Variants in PITPNM3 observed in about 807,000 individuals in gnomAD.
The protein encoded by PITPNM3 is PITPNM family member 3.
In PITPNM3, 26 loss-of-function variants were observed where a neutral mutation model predicts 102.0. The observed-to-expected ratio is 0.25, with a 90% CI of 0.19 to 0.35. The LOEUF is 0.35. Ranked by LOEUF, PITPNM3 falls within the 10% of genes least tolerant of loss-of-function variation. The probability of loss-of-function intolerance (pLI) is 1.00; values close to 1 mark genes in which losing one functional copy is unlikely to be tolerated. For synonymous variants in PITPNM3, 578 were observed against 558.6 expected, an observed-to-expected ratio of 1.03 and a Z score of -0.49; for missense variants, 1,083 against 1,346.1, an observed-to-expected ratio of 0.80 and a Z score of 3.06.
rs1298715206 is a variant in PITPNM3 at position 6,464,276 on chromosome 17, C to G, written c.2050G>C (p.Val684Leu). 6.2e-7 allele frequency: 1 copy of G among 1,613,992 alleles called. No individual in the cohort carries two copies. Among genetic ancestry groups the G allele is most frequent in the African/African-American group, 1.3e-5 (1 of 74,902 alleles). Residue 684 changes from valine (V) to leucine (L), a missense_variant, in exon 16 of 20, where the codon GTA becomes CTA. Val to Leu is a conservative substitution (Grantham distance 32, BLOSUM62 1). Around this residue, in one of 5 missense-constraint regions of PITPNM3, gnomAD observed 410 missense variants for 638.4 expected, o/e 0.64. Coordinates refer to ENST00000262483, the MANE Select transcript of PITPNM3 (RefSeq NM_031220.4). The part of the protein sequence containing the change: ...VMAEPSSGRW[V>L]HLDTEITNSS... ...TTGGTGATCTCTGTGTCCAGGTGTA[C>G]CCAGCGGCCTGAGGATGGCTCTGCC...
At chr17:6,492,374 A>G (rs372396701) in intron 4 of PITPNM3, among the ~76,000 whole-genome samples, 30 of 152,128 alleles carry the variant, frequency 2.0e-4, no homozygotes, top group African/African-American at 7.2e-4. Flanking sequence ...ATGCAAGAAC[A>G]TTTTAAAACC....
chr17:6,487,036 G>T lies in PITPNM3; in HGVS notation c.275-2744C>A, dbSNP rs142925165. 1.9e-4 allele frequency among the ~76,000 whole-genome samples: 29 copies of T among 152,320 alleles called. No homozygotes were observed. In the East Asian group the frequency reaches 5.4e-3, roughly 28 times the overall value. ...GTACCAGGAGGGAGAGGGTCTGAGT[G>T]TGGCTTCCCTGAGACAAAGCGCTCA... On this transcript the variant is annotated intron_variant, in intron 4 of 19. Coordinates refer to ENST00000262483, the MANE Select transcript of PITPNM3 (RefSeq NM_031220.4).
At chr17:6,545,087 C>A (rs748499753) in intron 1 of PITPNM3, among the ~76,000 whole-genome samples, 3 of 152,180 alleles carry the variant, frequency 2.0e-5, no homozygotes, top group Non-Finnish European at 4.4e-5. Context: ...CTGCTTCCAG[C>A]CCCAGTTCTG....
rs536434931 is a variant in PITPNM3, at chr17:6,474,551, G to A, written c.1139C>T (p.Pro380Leu). The change falls in exon 10 of 20, where the codon CCG becomes CTG. Residue 380 changes from proline to leucine, a missense_variant. Physicochemically the swap from Pro to Leu is moderately conservative, Grantham distance 98. Coordinates refer to ENST00000262483, the MANE Select transcript of PITPNM3 (RefSeq NM_031220.4). ...DESETPAAGG[P>L]QLPEVSLGRF... is the part of the protein sequence containing the mutation. ...GCCCAGGCTGACCTCAGGGAGCTGC[G>A]GCCCCCCAGCCGCCGGGGTCTCAGA... The A allele has an allele frequency of 1.6e-5, 26 of 1,603,836 alleles. No individual in the cohort carries two copies. The South Asian group carries it at 2.0e-4, about 12-fold the overall frequency.
At chr17:6,548,371 G>C (rs1017842834) in intron 1 of PITPNM3, among the ~76,000 whole-genome samples, 3 of 152,148 alleles carry the variant, frequency 2.0e-5, no homozygotes, top group Non-Finnish European at 4.4e-5. Context: ...CAGAGGCTGC[G>C]AGGGGTAAAC....
chr17:6,552,323 C>T (rs1490171623), intron 1 of PITPNM3, among the ~76,000 whole-genome samples: 2 of 152,144 alleles, frequency 1.3e-5, no homozygotes, highest in African/African-American at 4.8e-5. Context: ...CACCCCCTAC[C>T]CTCATTCTCT....
intron 17 of PITPNM3, 58 bp from the exon 18 acceptor site, chr17:6,461,614 A>G: frequency 6.3e-7 from 1 of 1,579,930 alleles, no homozygotes; most frequent in Non-Finnish European, 8.7e-7. Flanking sequence ...CCTGATGCCC[A>G]GAAGCCTGCC....
At chr17:6,465,866 C>T (rs548828819) in intron 14 of PITPNM3, among the ~76,000 whole-genome samples, 1 of 152,340 alleles carries the variant, frequency 6.6e-6, no homozygotes, top group Admixed American at 6.5e-5. Context: ...CTGGCCACAT[C>T]TTCATCTCTC....
Position 6,455,218 on chromosome 17 carries a change from G to A in PITPNM3, c.*120C>T. 2 of 1,305,388 alleles carry A rather than the reference G, an allele frequency of 1.5e-6. No individual in the cohort carries two copies. Among genetic ancestry groups the A allele is most frequent in the Non-Finnish European group, 2.1e-6 (2 of 974,572 alleles). The allele number at this position is 1,305,388 out of a possible 1,614,324, so 80.9% of individuals were successfully genotyped here. On this transcript the variant is annotated 3_prime_UTR_variant, in exon 20 of 20. Transcript: ENST00000262483. ...TCCCCGCTCTGGTCGGACACTGCTG[G>A]ACAGACACGGGAGGGAAAAAGCAGG... is the stretch of plus-strand genomic sequence containing the variant.
intron 4 of PITPNM3, among the ~76,000 whole-genome samples, chr17:6,492,348 C>G (rs1354687422): frequency 6.6e-6 from 1 of 152,042 alleles, no homozygotes; most frequent in East Asian, 1.9e-4. Context: ...CAGACATGAG[C>G]CACTGTGCCC....
Position 6,556,393 on chromosome 17 carries a change from C to T in PITPNM3, c.14G>A (p.Gly5Asp). ...CCCGCGCCCGCCCTCACCTGCACGG[C>T]CCGCCTTGGCCATGTCCCGGGCGGC... MAKA[G>D]RAGGPPPGGG... Residue 5 changes from glycine to aspartate, a missense_variant, in exon 1 of 20, where the codon GGC becomes GAC. Gly to Asp is a moderately conservative substitution (Grantham distance 94). Transcript: ENST00000262483. The surrounding 1 kb of genome is among the most constrained non-coding windows in gnomAD (Gnocchi z 5.2). 7.3e-7 allele frequency: 1 copy of T among 1,364,010 alleles called. No individual in the cohort carries two copies. The highest frequency in any genetic ancestry group is 1.5e-5 in the African/African-American group (1 of 66,112). The allele number at this position is 1,364,010 out of a possible 1,614,324, so 84.5% of individuals were successfully genotyped here.
In PITPNM3 at chr17:6,470,565, G is replaced by A. The variant is rs995445169; in HGVS notation, c.1625-157C>T. 3.9e-5 allele frequency among the ~76,000 whole-genome samples: 6 copies of A among 152,258 alleles called. No individual in the cohort carries two copies. Among genetic ancestry groups the A allele is most frequent in the Non-Finnish European group, 5.9e-5 (4 of 68,000 alleles). On this transcript the variant is annotated intron_variant, in intron 12 of 19. Coordinates refer to ENST00000262483, the MANE Select transcript of PITPNM3 (RefSeq NM_031220.4). The surrounding 1 kb of genome is among the most constrained non-coding windows in gnomAD (Gnocchi z 4.8). ...GGCCTGGAGGAGGCCTGGGGAACGC[G>A]CTGCTCTTCCTCCTTCCTTCTCAAA... is the stretch of plus-strand genomic sequence containing the variant.
Position 6,468,659 on chromosome 17 carries a change from C to T in PITPNM3, c.1774-318G>A, listed in dbSNP as rs574190278. On this transcript the variant is annotated intron_variant, in intron 13 of 19. Transcript: ENST00000262483. This position sits in a 1 kb window ranked among gnomAD's most constrained non-coding sequence, Gnocchi z 5.2. ...ACAACAAGGTGGCCCTTTCTTAAGG[C>T]CGGCTTGAGTCCTGATCCCAGCCCC... Among the ~76,000 whole-genome samples, 1 of 152,276 alleles carries T rather than the reference C, an allele frequency of 6.6e-6. No individual in the cohort carries two copies. The highest frequency in any genetic ancestry group is 2.1e-4 in the South Asian group (1 of 4,828).
chr17:6,484,968 G>T (rs1175095532), intron 4 of PITPNM3, among the ~76,000 whole-genome samples: 2 of 152,032 alleles, frequency 1.3e-5, no homozygotes, highest in African/African-American at 2.4e-5. Flanking sequence ...CCGGCCTTAG[G>T]ACTTGAACTG....
chr17:6,552,073 C>A (rs1354117826), intron 1 of PITPNM3, among the ~76,000 whole-genome samples: 1 of 152,202 alleles, frequency 6.6e-6, no homozygotes, highest in Admixed American at 6.5e-5. Flanking sequence ...CATCCTAACA[C>A]CGTAGGATCA....
intron 4 of PITPNM3, among the ~76,000 whole-genome samples, chr17:6,484,867 G>C (rs1597376926): frequency 6.6e-6 from 1 of 152,170 alleles, no homozygotes; most frequent in South Asian, 2.1e-4. Context: ...GTGAGGGTCT[G>C]AGCAGAACAA....
At chr17:6,549,232 C>T (rs1366992060) in intron 1 of PITPNM3, among the ~76,000 whole-genome samples, 2 of 152,194 alleles carry the variant, frequency 1.3e-5, no homozygotes, top group Admixed American at 6.5e-5. Flanking sequence ...ACACGGACTA[C>T]ACCCCATGGA....
At chr17:6,555,653 C>T (rs1013789688) in intron 1 of PITPNM3, among the ~76,000 whole-genome samples, 1 of 152,214 alleles carries the variant, frequency 6.6e-6, no homozygotes, top group Admixed American at 6.5e-5. Context: ...GCCTGAGCCC[C>T]GGTGCCCAGC....
intron 4 of PITPNM3, among the ~76,000 whole-genome samples, chr17:6,490,430 C>T (rs1051101087): frequency 6.6e-6 from 1 of 152,146 alleles, no homozygotes; most frequent in Non-Finnish European, 1.5e-5. Context: ...TCTGTGAGTG[C>T]TAGCCTCCAG....
Sources: allele counts gnomAD v4.1 joint callset (sites outside exome capture counted in the v4.1 genomes callset), GRCh38; gene constraint gnomAD v4.1.1; regional missense constraint gnomAD v4.1.1; non-coding constraint Gnocchi (gnomAD v3.1); transcripts MANE v1.5; gene names NCBI Gene and HGNC (gene_info 2026-07-23, HGNC 2026-07-21).